PDE6A: variants seen among roughly 807,000 people sequenced by gnomAD.
The protein encoded by PDE6A is phosphodiesterase 6A, also known as rod cGMP-specific 3',5'-cyclic phosphodiesterase subunit alpha.
A neutral mutation model predicts 106.3 loss-of-function variants in PDE6A; 84 were observed. The ratio of observed to expected loss-of-function variants is 0.79; its 90% confidence interval spans 0.66 to 0.95. PDE6A has a LOEUF of 0.95. Among genes scored for constraint, PDE6A ranks in the 40% least tolerant of loss-of-function variants. The pLI, the probability that PDE6A is intolerant of heterozygous loss-of-function variation, is 0.00. For synonymous variants in PDE6A, 394 were observed against 386.6 expected, an observed-to-expected ratio of 1.02 and a Z score of -0.23; for missense variants, 1,052 against 1,084.9, an observed-to-expected ratio of 0.97 and a Z score of 0.43.
At chr5:149,893,181 A>C (rs575480136) in intron 13 of PDE6A, among the ~76,000 whole-genome samples, 2 of 152,318 alleles carry the variant, frequency 1.3e-5, no homozygotes, top group South Asian at 4.1e-4. Flanking sequence ...GGTCTTTTGG[A>C]AATTACACCA....
At position 149,863,022 on chromosome 5, in the gene PDE6A, G is replaced by T; in HGVS notation, c.2506+97C>A. ...GACAGTATTGGCCATCAGGAGGCCT[G>T]AATGAGACTCCGTGTAAGAGTCTCT... On this transcript the variant is annotated intron_variant, in intron 21 of 21. Transcript: ENST00000255266. The surrounding 1 kb of genome is among the most constrained non-coding windows in gnomAD (Gnocchi z 4.7). The T allele has an allele frequency of 2.0e-6, 3 of 1,467,370 alleles. No homozygotes were observed. The highest frequency in any genetic ancestry group is 1.1e-5 in the South Asian group (1 of 87,806). The allele number at this position is 1,467,370 out of a possible 1,614,324, so 90.9% of individuals were successfully genotyped here.
intron 4 of PDE6A, among the ~76,000 whole-genome samples, chr5:149,922,699 G>T (rs1463037791): frequency 6.6e-6 from 1 of 152,066 alleles, no homozygotes; most frequent in Non-Finnish European, 1.5e-5. Flanking sequence ...AAACTTTATT[G>T]CTTTTGTAAT....
intron 5 of PDE6A, among the ~76,000 whole-genome samples, chr5:149,921,078 A>C (rs1217036668): frequency 6.6e-6 from 1 of 152,194 alleles, no homozygotes; most frequent in Non-Finnish European, 1.5e-5. Context: ...CAATTTGTAC[A>C]TTATAGACTA....
At chr5:149,916,840 C>T (rs534613717) in intron 5 of PDE6A, among the ~76,000 whole-genome samples, 27 of 152,262 alleles carry the variant, frequency 1.8e-4, no homozygotes, top group Non-Finnish European at 3.8e-4. Flanking sequence ...TCTATGTCAC[C>T]TAACGTTAAC....
At chr5:149,936,161 G>GGAAGGAAGGAAGGAAA (rs1754176430) in intron 1 of PDE6A, among the ~76,000 whole-genome samples, 1 of 136,316 alleles carries the variant, frequency 7.3e-6, no homozygotes, top group Non-Finnish European at 1.6e-5. Context: ...CTCTAAAAAA[G>GGAAGGAAGGAAGGAAA]GAAGGAAGGA....
intron 19 of PDE6A, 178 bp downstream of exon 19, chr5:149,867,547 C>A: frequency 1.5e-6 from 1 of 682,216 alleles, no homozygotes. Context: ...ACATACCTAA[C>A]ATGTTCTCAA....
rs1231956004 is a variant in PDE6A, at chr5:149,863,535, C to T, written c.2359-269G>A. On this transcript the variant is annotated intron_variant, in intron 20 of 21. Coordinates refer to ENST00000255266, the MANE Select transcript of PDE6A (RefSeq NM_000440.3). The surrounding 1 kb of genome is among the most constrained non-coding windows in gnomAD (Gnocchi z 4.7). The stretch of plus-strand genomic sequence containing the variant: ...ACTCCATGACCCAGTGTCCTCCTGC[C>T]CTTGACCATCTTGCATTCTCCAAGC... Among the ~76,000 whole-genome samples the T allele has an allele frequency of 6.6e-6, 1 of 152,230 alleles. No homozygotes were observed. The highest frequency in any genetic ancestry group is 1.5e-5 in the Non-Finnish European group (1 of 68,044).
chr5:149,900,385 A>ATATATATATATATATATATATATATATG lies in PDE6A; in HGVS notation c.1114-862_1114-861insCATATATATATATATATATATATATATA, dbSNP rs1435220015. On this transcript the variant is annotated intron_variant, in intron 8 of 21. Coordinates refer to ENST00000255266, the MANE Select transcript of PDE6A (RefSeq NM_000440.3). ...TCGAAAAATATATATGTATATATATATATATATATATATCCGTTGGTTCAT... is the reference window on the plus strand; with the variant it reads ...TCGAAAAATATATATGTATATATATATATATATATATATATATATATATATATGTATATATATATATCCGTTGGTTCAT... Among the ~76,000 whole-genome samples the ATATATATATATATATATATATATATATG allele has an allele frequency of 4.9e-4, 55 of 113,288 alleles. 2 individuals are homozygous for ATATATATATATATATATATATATATATG. Among genetic ancestry groups the ATATATATATATATATATATATATATATG allele is most frequent in the East Asian group, 2.3e-3 (9 of 3,972 alleles). The allele number at this position is 113,288 out of a possible 152,430, so 74.3% of individuals were successfully genotyped here. A position where few individuals can be genotyped will look rare whatever the true frequency, so the allele number is the denominator to read the frequency against.
chr5:149,876,350 T>A (rs1269961398), intron 17 of PDE6A, among the ~76,000 whole-genome samples: 2 of 107,670 alleles, frequency 1.9e-5, no homozygotes, highest in African/African-American at 8.6e-5. Flanking sequence ...ATTTTTCCTC[T>A]TTTTTTTTTT....
chr5:149,939,943 A>G (rs1418364457), intron 1 of PDE6A: 3 of 152,190 alleles, frequency 2.0e-5, no homozygotes, highest in African/African-American at 7.2e-5. Context: ...TAAAAAAAAA[A>G]AAAAAGATTG....
chr5:149,939,817 T>C (rs748339271), intron 1 of PDE6A, among the ~76,000 whole-genome samples: 2 of 152,122 alleles, frequency 1.3e-5, no homozygotes, highest in Non-Finnish European at 2.9e-5. Context: ...TCCAATGACC[T>C]TGCTCAAATA....
chr5:149,894,330 A>G lies in PDE6A; in HGVS notation c.1728+853T>C, dbSNP rs566858321. Among the ~76,000 whole-genome samples the G allele has an allele frequency of 2.8e-4, 43 of 152,268 alleles. No individual in the cohort carries two copies. The South Asian group carries it at 2.9e-3, about 10-fold the overall frequency. ...TGCTGTTTCTCTAGACACTGCCACA[A>G]TTTAAGGAAATTTCAGAAAATTTCT... On this transcript the variant is annotated intron_variant, in intron 13 of 21. Coordinates refer to ENST00000255266, the MANE Select transcript of PDE6A (RefSeq NM_000440.3).
intron 17 of PDE6A, among the ~76,000 whole-genome samples, chr5:149,875,485 C>CTTTT (rs1438091330): frequency 6.7e-6 from 1 of 148,202 alleles, no homozygotes. Flanking sequence ...TACATACTGA[C>CTTTT]TATTTTTTTT....
intron 5 of PDE6A, among the ~76,000 whole-genome samples, chr5:149,920,932 G>GAA (rs747272436): frequency 2.2e-5 from 2 of 90,600 alleles, no homozygotes; most frequent in South Asian, 3.4e-4. Flanking sequence ...AAGAAAGAGA[G>GAA]AAAGAGAGAA....
chr5:149,871,441 G>A (rs1760546850), intron 17 of PDE6A, among the ~76,000 whole-genome samples: 1 of 152,116 alleles, frequency 6.6e-6, no homozygotes, highest in South Asian at 2.1e-4. Context: ...GTCAGGGAGG[G>A]CTTCCCTGAG....
intron 4 of PDE6A, among the ~76,000 whole-genome samples, chr5:149,924,813 C>T (rs780634455): frequency 1.3e-5 from 2 of 152,188 alleles, no homozygotes; most frequent in Non-Finnish European, 2.9e-5. Flanking sequence ...CCTTTTGACC[C>T]ACTTGTTGAT....
intron 13 of PDE6A, among the ~76,000 whole-genome samples, chr5:149,890,473 AAT>A (rs1491435467): frequency 5.9e-5 from 9 of 152,320 alleles, no homozygotes; most frequent in African/African-American, 2.2e-4. Flanking sequence ...ATGTGTTATT[AAT>A]ATGTGTTTCA....
rs1278332221 is a variant in PDE6A at position 149,870,889 on chromosome 5, AAAAG to A, written c.2136-2735_2136-2732del. On this transcript the variant is annotated intron_variant, in intron 17 of 21. Coordinates refer to ENST00000255266, the MANE Select transcript of PDE6A (RefSeq NM_000440.3). The stretch of plus-strand genomic sequence containing the variant: ...AAAGAGAAAGAAAGAGAAAGAAAGA[AAAAG>A]AAAGAAAGGAAAAGAAAGAGAAAGA... Among the ~76,000 whole-genome samples the A allele has an allele frequency of 5.5e-5, 8 of 144,692 alleles. No individual in the cohort carries two copies. In the South Asian group the frequency reaches 6.3e-4, roughly 11 times the overall value. 94.9% of individuals were successfully genotyped at this position (144,692 alleles called of 152,430 possible).
At chr5:149,868,273 G>A in intron 17 of PDE6A, 115 bp from the exon 18 acceptor site, 1 of 1,016,132 alleles carries the variant, frequency 9.8e-7, no homozygotes, top group Non-Finnish European at 1.5e-6. Context: ...TTGTCTCATT[G>A]TGAGGAAAGG....
Sources: allele counts gnomAD v4.1 joint callset (sites outside exome capture counted in the v4.1 genomes callset), GRCh38; gene constraint gnomAD v4.1.1; non-coding constraint Gnocchi (gnomAD v3.1); transcripts MANE v1.5; gene names NCBI Gene and HGNC (gene_info 2026-07-23, HGNC 2026-07-21).